The following EHD4 variants were observed in gnomAD, a reference collection of about 807,000 sequenced individuals.
EHD4 encodes the protein EH domain-containing protein 4.
A neutral mutation model predicts 51.0 loss-of-function variants in EHD4; 37 were observed. The observed-to-expected ratio is 0.73, with a 90% CI of 0.56 to 0.95. The LOEUF (loss-of-function observed/expected upper bound fraction) is 0.95, where lower values mean the gene tolerates loss of function less well. Among genes scored for constraint, EHD4 ranks in the 40% least tolerant of loss-of-function variants. EHD4 has a pLI of 0.00. For missense variants in EHD4, 632 were observed against 733.1 expected, an observed-to-expected ratio of 0.86 and a Z score of 1.59; for synonymous variants, 297 against 317.3, an observed-to-expected ratio of 0.94 and a Z score of 0.68.
intron 4 of EHD4, among the ~76,000 whole-genome samples, chr15:41,912,113 G>A (rs560555135): frequency 2.6e-5 from 4 of 152,238 alleles, no homozygotes; most frequent in East Asian, 1.9e-4. Flanking sequence ...AGGTGGCCCC[G>A]ACACTAGGCC....
Position 41,943,202 on chromosome 15 carries a change from G to A in EHD4, c.414-38C>T, listed in dbSNP as rs774402426. 6.0e-6 allele frequency: 9 copies of A among 1,509,590 alleles called. No homozygotes were observed. In the Admixed American group the frequency reaches 1.2e-4, roughly 20 times the overall value. The allele number at this position is 1,509,590 out of a possible 1,614,324, so 93.5% of individuals were successfully genotyped here. ...GATCAAAGGAGGGGTCAGAAACTGG[G>A]CATCACAGAGTGCTCCAACCATGGG... On this transcript the variant is annotated intron_variant, in intron 2 of 5. Transcript: ENST00000220325.
intron 2 of EHD4, among the ~76,000 whole-genome samples, chr15:41,944,606 T>C (rs2067799080): frequency 6.6e-6 from 1 of 152,154 alleles, no homozygotes; most frequent in Admixed American, 6.5e-5. Flanking sequence ...GGATACGATT[T>C]TTCACACAGT....
intron 3 of EHD4, among the ~76,000 whole-genome samples, chr15:41,925,868 C>T (rs939857360): frequency 6.6e-6 from 1 of 152,168 alleles, no homozygotes; most frequent in African/African-American, 2.4e-5. Context: ...AAACTGTGGT[C>T]CTCCATCCTG....
rs1462181183 is a variant in EHD4 at position 41,897,694 on chromosome 15, G to C, written c.*2951C>G. ...ACCCTCACTGGCAGGCTGACAACTT[G>C]GAAGCAGACTGTGGGAGCAATAGGC... On this transcript the variant is annotated 3_prime_UTR_variant, in exon 6 of 6. Coordinates refer to ENST00000220325, the MANE Select transcript of EHD4 (RefSeq NM_139265.4). The C allele has an allele frequency of 6.6e-6, 1 of 152,248 alleles. No individual in the cohort carries two copies. The highest frequency in any genetic ancestry group is 1.5e-5 in the Non-Finnish European group (1 of 68,070). The allele number at this position is 152,248 out of a possible 1,614,324, so 9.4% of individuals were successfully genotyped here.
intron 3 of EHD4, among the ~76,000 whole-genome samples, chr15:41,934,127 T>C (rs1234291538): frequency 6.6e-6 from 1 of 151,954 alleles, no homozygotes; most frequent in African/African-American, 2.4e-5. Flanking sequence ...TTGGTTTCGG[T>C]AGGTTCTCCA....
chr15:41,944,828 A>ATTT (rs879371085), intron 2 of EHD4, among the ~76,000 whole-genome samples: 28 of 152,302 alleles, frequency 1.8e-4, no homozygotes, highest in South Asian at 2.1e-4. Flanking sequence ...TTAAAAGTAA[A>ATTT]GGGTCAAGTT....
chr15:41,933,904 C>T (rs955142950), intron 3 of EHD4, among the ~76,000 whole-genome samples: 1 of 152,154 alleles, frequency 6.6e-6, no homozygotes, highest in African/African-American at 2.4e-5. Flanking sequence ...CTCACGCCCT[C>T]CCTGTCAGAC....
rs533663935 is a variant in EHD4 at position 41,926,323 on chromosome 15, G to A, written c.512-6701C>T. Among the ~76,000 whole-genome samples, 8 of 152,274 alleles carry A rather than the reference G, an allele frequency of 5.3e-5. No individual in the cohort carries two copies. In the South Asian group the frequency reaches 1.2e-3, roughly 24 times the overall value. Reference sequence around the variant, plus strand: ...CTGGGGTGGGCAGGGCCACTTGCCCGTGGTGGTGACGGAACACTGCCTAAA... The same window carrying A: ...CTGGGGTGGGCAGGGCCACTTGCCCATGGTGGTGACGGAACACTGCCTAAA... On this transcript the variant is annotated intron_variant, in intron 3 of 5. Transcript: ENST00000220325.
intron 1 of EHD4, among the ~76,000 whole-genome samples, chr15:41,960,290 C>T (rs76177165): frequency 0.096 from 14,601 of 152,230 alleles, 846 homozygotes; most frequent in South Asian, 0.26. Flanking sequence ...AAATAGCTTA[C>T]AGGAGACCAC....
chr15:41,911,942 C>T (rs1410325452), intron 4 of EHD4, among the ~76,000 whole-genome samples: 1 of 152,166 alleles, frequency 6.6e-6, no homozygotes, highest in Non-Finnish European at 1.5e-5. Flanking sequence ...CTGCCGCCCA[C>T]CCCCCGAGGT....
At chr15:41,902,772 T>C (rs1242767586) in intron 5 of EHD4, among the ~76,000 whole-genome samples, 1 of 148,456 alleles carries the variant, frequency 6.7e-6, no homozygotes. Context: ...CATATATGTA[T>C]GTGTGTATAT....
At chr15:41,905,095 T>C (rs1156240634) in intron 5 of EHD4, among the ~76,000 whole-genome samples, 1 of 152,250 alleles carries the variant, frequency 6.6e-6, no homozygotes, top group Non-Finnish European at 1.5e-5. Context: ...GTCCCCCCTC[T>C]GTCAAGGCCT....
At position 41,900,767 on chromosome 15, in the gene EHD4, C is replaced by T. The variant is rs923795572; in HGVS notation, c.1504G>A (p.Glu502Lys). The T allele has an allele frequency of 2.5e-6, 4 of 1,613,998 alleles. No individual in the cohort carries two copies. The highest frequency in any genetic ancestry group is 3.4e-6 in the Non-Finnish European group (4 of 1,180,052). The change falls in exon 6 of 6, where the codon GAG (glutamate) becomes AAG (lysine). Residue 502 changes from glutamate to lysine, a missense_variant. Coordinates refer to ENST00000220325, the MANE Select transcript of EHD4 (RefSeq NM_139265.4). The surrounding 1 kb of genome is among the most constrained non-coding windows in gnomAD (Gnocchi z 4.8). The part of the protein sequence containing the change: ...DCDCDGMLDE[E>K]EFALAKHLIK... ...AGGTGCTTGGCCAGCGCGAACTCCT[C>T]CTCATCAAGCATGCCGTCGCAGTCG...
In EHD4 at chr15:41,908,990, CTGGCT is replaced by C. The variant is rs1316422895; in HGVS notation, c.1089+704_1089+708del. On this transcript the variant is annotated intron_variant, in intron 5 of 5. Transcript: ENST00000220325. ...TGCAGCAGATAAGAAGACGGCCAGCCTGGCTCTGTGAGGACTGTCAGCCCAGAAGC... is the reference window on the plus strand; with the variant it reads ...TGCAGCAGATAAGAAGACGGCCAGCCCTGTGAGGACTGTCAGCCCAGAAGC... 2.6e-5 allele frequency among the ~76,000 whole-genome samples: 4 copies of C among 152,250 alleles called. No individual in the cohort carries two copies. In the East Asian group the frequency reaches 7.7e-4, roughly 29 times the overall value.
intron 3 of EHD4, among the ~76,000 whole-genome samples, chr15:41,921,012 G>A (rs1410474388): frequency 6.6e-6 from 1 of 152,190 alleles, no homozygotes; most frequent in Non-Finnish European, 1.5e-5. Context: ...AAAATAAAGA[G>A]GGTCTGCGGA....
chr15:41,949,051 T>TATATATATAC (rs1491135423), intron 2 of EHD4, among the ~76,000 whole-genome samples: 328 of 109,276 alleles, frequency 3.0e-3, no homozygotes, highest in African/African-American at 6.8e-3. Context: ...TATATATATA[T>TATATATATAC]ACACACATAC....
chr15:41,960,395 A>ACTC (rs2067916944), intron 1 of EHD4, among the ~76,000 whole-genome samples: 1 of 152,214 alleles, frequency 6.6e-6, no homozygotes, highest in African/African-American at 2.4e-5. Flanking sequence ...AATTGAGATA[A>ACTC]AAGTTAAACA....
intron 3 of EHD4, among the ~76,000 whole-genome samples, chr15:41,934,558 C>T (rs1250332696): frequency 2.0e-5 from 3 of 152,122 alleles, no homozygotes; most frequent in Non-Finnish European, 4.4e-5. Flanking sequence ...TCAAGTGATC[C>T]TCTCGACTCA....
chr15:41,963,197 T>C (rs1183420010), intron 1 of EHD4, among the ~76,000 whole-genome samples: 1 of 151,992 alleles, frequency 6.6e-6, no homozygotes, highest in Non-Finnish European at 1.5e-5. Flanking sequence ...CCAGAGACCC[T>C]TGTTCACATG....
Sources: allele counts gnomAD v4.1 joint callset (sites outside exome capture counted in the v4.1 genomes callset), GRCh38; gene constraint gnomAD v4.1.1; non-coding constraint Gnocchi (gnomAD v3.1); transcripts MANE v1.5; gene names NCBI Gene and HGNC (gene_info 2026-07-23, HGNC 2026-07-21).